STXBP5L: variants seen among roughly 807,000 people sequenced by gnomAD.
STXBP5L encodes syntaxin binding protein 5L.
Under a neutral mutation model 144.5 loss-of-function variants are expected in STXBP5L, and 65 were observed. The ratio of observed to expected loss-of-function variants is 0.45; its 90% CI spans 0.37 to 0.55. The LOEUF (loss-of-function observed/expected upper bound fraction) is 0.55, where lower values mean the gene tolerates loss of function less well. Among genes scored for constraint, STXBP5L ranks in the 20% least tolerant of loss-of-function variants. The pLI is 0.00. For synonymous variants in STXBP5L, 505 were observed against 469.6 expected (o/e 1.08, Z -0.97); for missense variants, 1,298 against 1,405.5 (o/e 0.92, Z 1.22).
intron 12 of STXBP5L, among the ~76,000 whole-genome samples, chr3:121,235,846 C>CACAT (rs1553746117): frequency 1.5e-5 from 2 of 134,124 alleles, no homozygotes; most frequent in African/African-American, 2.7e-5. Context: ...CACACATACA[C>CACAT]ACACACACAC....
chr3:120,945,779 T>C lies in STXBP5L; in HGVS notation c.190-9161T>C, dbSNP rs145368846. 2.0e-5 allele frequency among the ~76,000 whole-genome samples: 3 copies of C among 151,962 alleles called. No individual in the cohort carries two copies. The East Asian group carries it at 5.8e-4, about 29-fold the overall frequency. On this transcript the variant is annotated intron_variant, in intron 2 of 26. Coordinates refer to ENST00000471454, the MANE Select transcript of STXBP5L (RefSeq NM_001308330.2). ...ATCAGTTCATTGGTGGAAACGCTATTACTGGGCAAGTGTTCTTTCAAGAGG... is the reference window on the plus strand; with the variant it reads ...ATCAGTTCATTGGTGGAAACGCTATCACTGGGCAAGTGTTCTTTCAAGAGG...
intron 5 of STXBP5L, among the ~76,000 whole-genome samples, chr3:121,052,852 G>C (rs1395063093): frequency 6.6e-6 from 1 of 152,142 alleles, no homozygotes; most frequent in Non-Finnish European, 1.5e-5. Flanking sequence ...AAACCCCATT[G>C]TCTCAGCCCA....
At chr3:121,064,663 C>T (rs2041455917) in intron 5 of STXBP5L, among the ~76,000 whole-genome samples, 1 of 152,074 alleles carries the variant, frequency 6.6e-6, no homozygotes, top group South Asian at 2.1e-4. Flanking sequence ...CTCCAGGTAA[C>T]ATTTATAGAT....
intron 6 of STXBP5L, among the ~76,000 whole-genome samples, chr3:121,117,471 C>A (rs1387316513): frequency 6.6e-6 from 1 of 151,760 alleles, no homozygotes; most frequent in Non-Finnish European, 1.5e-5. Context: ...TCTCCTGGAA[C>A]TGTCTTTTCA....
At chr3:121,157,689 G>T in intron 9 of STXBP5L, 62 bp downstream of exon 9, 1 of 1,551,906 alleles carries the variant, frequency 6.4e-7, no homozygotes, top group Non-Finnish European at 8.6e-7. Context: ...CTTGAAGTAA[G>T]AGAGATGGTA....
chr3:121,418,618 C>T, intron 26 of STXBP5L, 61 bp downstream of exon 26: 1 of 1,507,574 alleles, frequency 6.6e-7, no homozygotes, highest in South Asian at 1.2e-5. Flanking sequence ...CATTTAGGAT[C>T]TGCACAAGAA....
At chr3:121,232,248 G>A (rs1355089091) in intron 11 of STXBP5L, among the ~76,000 whole-genome samples, 3 of 152,106 alleles carry the variant, frequency 2.0e-5, no homozygotes, top group Non-Finnish European at 4.4e-5. Context: ...CGAGTGCCAC[G>A]TGAACATACC....
chr3:121,075,168 G>A (rs1209045869), intron 5 of STXBP5L, among the ~76,000 whole-genome samples: 2 of 152,088 alleles, frequency 1.3e-5, no homozygotes, highest in African/African-American at 4.8e-5. Flanking sequence ...GGTGGCAGGG[G>A]GTTCTGGCCA....
chr3:121,110,231 G>T (rs2043914109), intron 5 of STXBP5L, among the ~76,000 whole-genome samples: 1 of 152,182 alleles, frequency 6.6e-6, no homozygotes, highest in Non-Finnish European at 1.5e-5. Flanking sequence ...TGTTATGTGT[G>T]AATTTGATCC....
chr3:121,109,045 T>C (rs1194357709), intron 5 of STXBP5L, among the ~76,000 whole-genome samples: 1 of 152,192 alleles, frequency 6.6e-6, no homozygotes, highest in African/African-American at 2.4e-5. Flanking sequence ...TATTTGTTTA[T>C]AGTATTCTCT....
chr3:121,266,259 A>T (rs770890247), intron 18 of STXBP5L, among the ~76,000 whole-genome samples: 31 of 152,366 alleles, frequency 2.0e-4, no homozygotes, highest in Admixed American at 7.8e-4. Context: ...ATCCAGCAGG[A>T]CATCAAAAAG....
chr3:121,027,810 C>T (rs868688663), intron 3 of STXBP5L, among the ~76,000 whole-genome samples: 1 of 152,092 alleles, frequency 6.6e-6, no homozygotes, highest in Non-Finnish European at 1.5e-5. Context: ...TTTCAGGGAT[C>T]AGGACATGGA....
chr3:120,984,704 G>T (rs984263181), intron 3 of STXBP5L, among the ~76,000 whole-genome samples: 2 of 131,152 alleles, frequency 1.5e-5, no homozygotes, highest in African/African-American at 5.7e-5. Flanking sequence ...TTGAATAGAA[G>T]TGGTGAAAGT....
intron 20 of STXBP5L, among the ~76,000 whole-genome samples, chr3:121,343,548 A>C (rs889793557): frequency 1.4e-4 from 21 of 152,150 alleles, no homozygotes; most frequent in Non-Finnish European, 3.1e-4. Context: ...ACTTCAGCAA[A>C]GTCTCAGGAT....
chr3:121,269,946 T>A (rs1278811583), intron 18 of STXBP5L, among the ~76,000 whole-genome samples: 1 of 152,218 alleles, frequency 6.6e-6, no homozygotes, highest in Non-Finnish European at 1.5e-5. Flanking sequence ...GCCTGTGAGA[T>A]CCTTAGACTT....
intron 3 of STXBP5L, among the ~76,000 whole-genome samples, chr3:120,980,556 A>G (rs1040624693): frequency 6.6e-6 from 1 of 151,700 alleles, no homozygotes; most frequent in Non-Finnish European, 1.5e-5. Context: ...TGCATAAAAT[A>G]TCTGTTTCTA....
chr3:120,944,862 C>T (rs1473464622), intron 2 of STXBP5L, among the ~76,000 whole-genome samples: 1 of 151,764 alleles, frequency 6.6e-6, no homozygotes, highest in East Asian at 1.9e-4. Flanking sequence ...TTCAGCAATA[C>T]TTTCAGTGAC....
At chr3:121,064,311 A>C (rs2041435832) in intron 5 of STXBP5L, among the ~76,000 whole-genome samples, 1 of 152,202 alleles carries the variant, frequency 6.6e-6, no homozygotes, top group Non-Finnish European at 1.5e-5. Context: ...CCAACTATCT[A>C]ACCAGTCCCA....
In STXBP5L at chr3:121,090,045, C is replaced by G. The variant is rs537603960; in HGVS notation, c.471-24880C>G. Among the ~76,000 whole-genome samples the G allele has an allele frequency of 3.9e-5, 6 of 152,230 alleles. No homozygotes were observed. In the South Asian group the frequency reaches 1.0e-3, roughly 26 times the overall value. On this transcript the variant is annotated intron_variant, in intron 5 of 26. Coordinates refer to ENST00000471454, the MANE Select transcript of STXBP5L (RefSeq NM_001308330.2). Reference sequence around the variant, plus strand: ...AATATTTGTTAGCAAATTCTAATATCTATGTCATCTTGCTGCTAGTAACTA... The same window carrying G: ...AATATTTGTTAGCAAATTCTAATATGTATGTCATCTTGCTGCTAGTAACTA...
Sources: allele counts gnomAD v4.1 joint callset (sites outside exome capture counted in the v4.1 genomes callset), GRCh38; gene constraint gnomAD v4.1.1; transcripts MANE v1.5; gene names NCBI Gene and HGNC (gene_info 2026-07-23, HGNC 2026-07-21).